PKIG: variants seen among roughly 807,000 people sequenced by gnomAD.
PKIG encodes the protein protein kinase (cAMP-dependent, catalytic) inhibitor gamma.
PKIG carries 1 observed loss-of-function variant against 6.8 expected under a neutral mutation model. The observed-to-expected ratio is 0.15, with a 90% CI of 0.05 to 0.69. The LOEUF (loss-of-function observed/expected upper bound fraction) is 0.69. PKIG is among the 30% of genes least tolerant of loss of function. The pLI is 0.82. For synonymous variants in PKIG, 39 were observed against 43.0 expected, an observed-to-expected ratio of 0.91 and a Z score of 0.36; for missense variants, 77 against 104.0, an observed-to-expected ratio of 0.74 and a Z score of 1.13.
intron 1 of PKIG, among the ~76,000 whole-genome samples, chr20:44,536,519 A>C (rs1459589400): frequency 6.6e-6 from 1 of 152,098 alleles, no homozygotes; most frequent in Non-Finnish European, 1.5e-5. Context: ...GACCAACAAG[A>C]GGTAAGGGAG....
At chr20:44,563,970 A>T (rs999520024) in intron 1 of PKIG, among the ~76,000 whole-genome samples, 1 of 152,200 alleles carries the variant, frequency 6.6e-6, no homozygotes, top group Non-Finnish European at 1.5e-5. Context: ...GAATATTTTT[A>T]TACATAGTCA....
chr20:44,577,825 C>T (rs1376013640), upstream of PKIG, among the ~76,000 whole-genome samples: 3 of 152,192 alleles, frequency 2.0e-5, no homozygotes, highest in Admixed American at 6.5e-5. Flanking sequence ...AACAGATATC[C>T]GTCAGTTGCT....
chr20:44,581,586 A>G (rs1412016160), upstream of PKIG, among the ~76,000 whole-genome samples: 1 of 152,148 alleles, frequency 6.6e-6, no homozygotes, highest in Non-Finnish European at 1.5e-5. Context: ...TCTCGTAACC[A>G]CTGCTGTTCC....
rs192346886 is a variant in PKIG, at chr20:44,611,243, G to T, written c.-23-3291G>T. Among the ~76,000 whole-genome samples the T allele has an allele frequency of 1.8e-3, 271 of 152,052 alleles. 1 individual carries two copies. The highest frequency in any genetic ancestry group is 6.3e-3 in the African/African-American group (260 of 41,482). ...CTAATTTTGTATTTTTAGTAGAGGC[G>T]ACGTTTCACGATGTTGGCCAGCCCA... On this transcript the variant is annotated intron_variant, in intron 2 of 3. Coordinates refer to ENST00000372886, the MANE Select transcript of PKIG (RefSeq NM_001281445.2).
At position 44,566,032 on chromosome 20, in the gene PKIG, G is replaced by T. The variant is rs73615483; in HGVS notation, c.-240-16553G>T. Among the ~76,000 whole-genome samples the T allele has an allele frequency of 6.1e-3, 925 of 152,286 alleles. 11 individuals carry two copies. The East Asian group carries it at 0.064, about 11-fold the overall frequency. On this transcript the variant is annotated intron_variant, in intron 1 of 4. Coordinates refer to the PKIG transcript ENST00000372887. ...CCACCTTGGCCTCCCAAAGCACTGG[G>T]ATTACAGGCGTGAGCCACCACACCC...
intron 2 of PKIG, among the ~76,000 whole-genome samples, chr20:44,606,759 A>G (rs1466154014): frequency 6.6e-6 from 1 of 152,250 alleles, no homozygotes; most frequent in Non-Finnish European, 1.5e-5. Flanking sequence ...CAGTGAGCCG[A>G]GACCATGCCA....
chr20:44,608,751 G>A (rs182112263), intron 2 of PKIG, among the ~76,000 whole-genome samples: 130 of 150,708 alleles, frequency 8.6e-4, no homozygotes, highest in African/African-American at 3.1e-3. Flanking sequence ...AGTGAGCCAT[G>A]ATTGTACCAC....
chr20:44,591,420 T>A (rs2065032383), intron 2 of PKIG, among the ~76,000 whole-genome samples: 1 of 152,116 alleles, frequency 6.6e-6, no homozygotes, highest in Non-Finnish European at 1.5e-5. Flanking sequence ...ACTGTCTAGC[T>A]TCAGTTTGGG....
chr20:44,592,198 GAGGT>G (rs1349497991), intron 2 of PKIG, among the ~76,000 whole-genome samples: 8 of 152,320 alleles, frequency 5.3e-5, no homozygotes, highest in Middle Eastern at 3.4e-3. Context: ...GAGACTCAAA[GAGGT>G]GGAACTGCTT....
At chr20:44,615,287 G>C (rs2123482344) in intron 3 of PKIG, among the ~76,000 whole-genome samples, 1 of 152,294 alleles carries the variant, frequency 6.6e-6, no homozygotes, top group Middle Eastern at 3.4e-3. Flanking sequence ...CCTTTGGTCT[G>C]TTTCTCAGTC....
intron 2 of PKIG, among the ~76,000 whole-genome samples, chr20:44,606,882 C>T (rs1371098039): frequency 6.6e-6 from 1 of 152,234 alleles, no homozygotes; most frequent in East Asian, 1.9e-4. Flanking sequence ...TGTGAGAACA[C>T]AGTGTTCAAG....
At chr20:44,607,081 T>C (rs2065169580) in intron 2 of PKIG, among the ~76,000 whole-genome samples, 1 of 152,188 alleles carries the variant, frequency 6.6e-6, no homozygotes, top group Admixed American at 6.5e-5. Context: ...AAGTTGGCAA[T>C]ACCTGTTATA....
chr20:44,553,067 G>A (rs537311841), intron 1 of PKIG, among the ~76,000 whole-genome samples: 7 of 152,298 alleles, frequency 4.6e-5, no homozygotes, highest in African/African-American at 1.2e-4. Context: ...TTTACCAGAA[G>A]CAGAGCTTTT....
At chr20:44,547,567 T>C (rs1276755460) in intron 1 of PKIG, among the ~76,000 whole-genome samples, 3 of 152,120 alleles carry the variant, frequency 2.0e-5, no homozygotes, top group Non-Finnish European at 1.5e-5. Context: ...GAACAATGCC[T>C]CACACATGGT....
intron 1 of PKIG, among the ~76,000 whole-genome samples, chr20:44,557,383 TG>T (rs1401213513): frequency 3.3e-5 from 5 of 151,540 alleles, no homozygotes; most frequent in Admixed American, 6.6e-5. Flanking sequence ...AAAAATTAGC[TG>T]GTGTGGTGGC....
intron 1 of PKIG, among the ~76,000 whole-genome samples, chr20:44,574,392 A>G (rs2064878399): frequency 6.6e-6 from 1 of 152,160 alleles, no homozygotes; most frequent in Non-Finnish European, 1.5e-5. Context: ...GTACAAAACT[A>G]GAAAGAATAG....
chr20:44,543,916 T>A (rs2064586141), intron 1 of PKIG, among the ~76,000 whole-genome samples: 1 of 151,908 alleles, frequency 6.6e-6, no homozygotes, highest in Non-Finnish European at 1.5e-5. Flanking sequence ...TACAAAAAAT[T>A]AGCCGTGTGT....
intron 2 of PKIG, among the ~76,000 whole-genome samples, chr20:44,610,088 G>A (rs1206859444): frequency 6.6e-6 from 1 of 152,192 alleles, no homozygotes. Flanking sequence ...GAACTTCCGG[G>A]AATTCTTTTA....
intron 2 of PKIG, among the ~76,000 whole-genome samples, chr20:44,608,129 G>A (rs1465931704): frequency 6.6e-6 from 1 of 152,184 alleles, no homozygotes; most frequent in African/African-American, 2.4e-5. Context: ...GATGGGAAGG[G>A]AGACTAAGCT....
Sources: gnomAD v4.1 joint callset for allele counts (sites outside exome capture counted in the v4.1 genomes callset) on GRCh38, gnomAD v4.1.1 for gene constraint, MANE v1.5 for transcripts, NCBI Gene and HGNC (gene_info 2026-07-23, HGNC 2026-07-21) for gene names.